STAU1: variants seen among roughly 807,000 people sequenced by gnomAD.
STAU1 encodes staufen double-stranded RNA binding protein 1.
Under a neutral mutation model 62.9 loss-of-function variants are expected in STAU1, and 13 were observed. The observed-to-expected ratio is 0.21, with a 90% CI of 0.13 to 0.33. STAU1 has a LOEUF of 0.33. Ranked by LOEUF, STAU1 falls within the 10% of genes least tolerant of loss-of-function variation. STAU1 has a pLI of 1.00. For missense variants in STAU1, 571 were observed against 712.1 expected (o/e 0.80, Z 2.25); for synonymous variants, 269 against 265.1 (o/e 1.01, Z -0.14).
intron 5 of STAU1, among the ~76,000 whole-genome samples, chr20:49,150,180 T>C (rs1190143771): frequency 6.6e-6 from 1 of 152,212 alleles, no homozygotes; most frequent in Non-Finnish European, 1.5e-5. Flanking sequence ...CTAAGAATTA[T>C]ATTGCTATTT....
chr20:49,170,124 G>A (rs1350844612), intron 2 of STAU1, among the ~76,000 whole-genome samples: 1 of 152,180 alleles, frequency 6.6e-6, no homozygotes, highest in East Asian at 1.9e-4. Flanking sequence ...GTCACAAAAT[G>A]TGTATTCAGC....
intron 7 of STAU1, 109 bp downstream of exon 7, chr20:49,124,265 TG>T: frequency 9.1e-7 from 1 of 1,096,056 alleles, no homozygotes; most frequent in Non-Finnish European, 1.3e-6. Flanking sequence ...GCCTGGGGTG[TG>T]GCACGTTGGT....
chr20:49,213,450 A>G, the STAU1 span, among the ~76,000 whole-genome samples: 3 of 152,070 alleles, frequency 2.0e-5, no homozygotes, highest in African/African-American at 7.2e-5. Context: ...GGCTAGTCTC[A>G]AACTCCTGAC....
chr20:49,219,243 G>A, the STAU1 span: 1 of 1,129,562 alleles, frequency 8.9e-7, no homozygotes, highest in South Asian at 1.6e-5. Context: ...TACCTAAAAA[G>A]CTCCGCCCCT....
intron 1 of STAU1, among the ~76,000 whole-genome samples, chr20:49,180,548 T>A (rs1205687787): frequency 1.3e-5 from 2 of 152,198 alleles, no homozygotes; most frequent in African/African-American, 4.8e-5. Context: ...GGTCTCGAAC[T>A]CCTGACCTCA....
chr20:49,179,692 T>A (rs1040003627), intron 1 of STAU1, among the ~76,000 whole-genome samples: 1 of 152,242 alleles, frequency 6.6e-6, no homozygotes, highest in African/African-American at 2.4e-5. Flanking sequence ...AGAAAATTCA[T>A]GCCTCAGTTA....
intron 3 of STAU1, among the ~76,000 whole-genome samples, chr20:49,157,052 C>T (rs1246945643): frequency 6.6e-6 from 1 of 151,244 alleles, no homozygotes; most frequent in Non-Finnish European, 1.5e-5. Context: ...AATTTCTGTA[C>T]TTTTAGTAGA....
chr20:49,202,252 A>AAGAAAGAAAGAAAGAAAGAG, the STAU1 span, among the ~76,000 whole-genome samples: 4 of 149,460 alleles, frequency 2.7e-5, no homozygotes, highest in African/African-American at 9.8e-5. Context: ...GAAAGAAAGA[A>AAGAAAGAAAGAAAGAAAGAG]AGAAAGAATC....
At chr20:49,146,019 G>T (rs551357928) in intron 5 of STAU1, among the ~76,000 whole-genome samples, 1 of 152,344 alleles carries the variant, frequency 6.6e-6, no homozygotes, top group East Asian at 1.9e-4. Context: ...AGTAATCCCA[G>T]CATTTTGGGA....
Position 49,183,930 on chromosome 20 carries a change from G to A in STAU1, c.-160+4186C>T, listed in dbSNP as rs2093756326. Among the ~76,000 whole-genome samples the A allele has an allele frequency of 2.0e-5, 3 of 149,952 alleles. No individual in the cohort carries two copies. In the South Asian group the frequency reaches 6.3e-4, roughly 32 times the overall value. On this transcript the variant is annotated intron_variant, in intron 1 of 13. Coordinates refer to ENST00000371856, the MANE Select transcript of STAU1 (RefSeq NM_017453.4). ...ACTGAAATAAATGTGAAGTATACATGCCTTTTTTTTTTTTTTGAGAAGTAC... is the reference window on the plus strand; with the variant it reads ...ACTGAAATAAATGTGAAGTATACATACCTTTTTTTTTTTTTTGAGAAGTAC...
rs1293316472 is a variant in STAU1 at position 49,120,123 on chromosome 20, C to G, written c.972G>C (p.Lys324Asn). The G allele has an allele frequency of 6.2e-7, 1 of 1,612,976 alleles. No individual in the cohort carries two copies. The highest frequency in any genetic ancestry group is 1.7e-5 in the Admixed American group (1 of 59,942). ...TTCCTTCTGCAGTGTGGTTTCCAAC[C>G]TTCACCTGCACAAAGAAGTCAAAAC... is the stretch of plus-strand genomic sequence containing the variant. ...PRRREFVMQV[K>N]VGNHTAEGTG... The change falls in exon 9 of 14, where the codon AAG (lysine) becomes AAC (asparagine). Residue 324 changes from lysine (K) to asparagine (N), a missense_variant. Lys to Asn is a moderately conservative substitution (Grantham distance 94). Coordinates refer to ENST00000371856, the MANE Select transcript of STAU1 (RefSeq NM_017453.4).
chr20:49,204,408 A>G, the STAU1 span, among the ~76,000 whole-genome samples: 201 of 151,528 alleles, frequency 1.3e-3, 4 homozygotes, highest in South Asian at 0.041. Flanking sequence ...ACCTATATTT[A>G]CATGCATAGT....
the STAU1 span, among the ~76,000 whole-genome samples, chr20:49,218,512 A>G: frequency 6.6e-6 from 1 of 151,852 alleles, no homozygotes; most frequent in East Asian, 1.9e-4. Context: ...GGCGTGAGCC[A>G]CCACGCCCAG....
intron 5 of STAU1, 50 bp from the exon 6 acceptor site, chr20:49,135,981 C>T: frequency 7.0e-7 from 1 of 1,431,598 alleles, no homozygotes; most frequent in Non-Finnish European, 9.7e-7. Context: ...TAGTCAATGG[C>T]CAGGTGAGTT....
At chr20:49,181,457 T>C (rs557684972) in intron 1 of STAU1, among the ~76,000 whole-genome samples, 1 of 152,280 alleles carries the variant, frequency 6.6e-6, no homozygotes, top group Non-Finnish European at 1.5e-5. Context: ...CAACCAGTTC[T>C]GTAGCTACAT....
chr20:49,123,022 T>C, intron 8 of STAU1, 70 bp downstream of exon 8: 3 of 1,487,818 alleles, frequency 2.0e-6, no homozygotes, highest in Non-Finnish European at 2.7e-6. Context: ...GTCCAGACCT[T>C]GAACCGCCAT....
chr20:49,210,383 C>G, the STAU1 span: 1 of 454,410 alleles, frequency 2.2e-6, no homozygotes, highest in East Asian at 7.0e-5. Context: ...GAATGGAGTT[C>G]TTTCTCATTC....
In STAU1 at chr20:49,115,822, T is replaced by C. The variant is rs2092308999; in HGVS notation, c.1678A>G (p.Ser560Gly). 6.2e-7 allele frequency: 1 copy of C among 1,614,140 alleles called. No homozygotes were observed. The highest frequency in any genetic ancestry group is 8.5e-7 in the Non-Finnish European group (1 of 1,180,000). ...TTTCCTGTTCTTGGCATCTCTGTAC[T>C]TTGTTGGTCCAACTCAGACAGCAAC... ...LKLLSELDQQSTEMPRTGNGP... is the reference protein window; with the variant it reads ...LKLLSELDQQGTEMPRTGNGP... Residue 560 changes from serine (S) to glycine (G), a missense_variant, in exon 13 of 14, where the codon AGT (serine) becomes GGT (glycine). Physicochemically the swap from Ser to Gly is moderately conservative, Grantham distance 56. Around this residue, in one of 3 missense-constraint regions of STAU1, gnomAD observed 156 missense variants for 194.7 expected, o/e 0.80. Transcript: ENST00000371856.
upstream of STAU1, among the ~76,000 whole-genome samples, chr20:49,189,619 C>CAAAAA (rs71186430): frequency 1.3e-4 from 7 of 55,322 alleles, no homozygotes; most frequent in East Asian, 6.1e-4. Flanking sequence ...GACTCTGTCT[C>CAAAAA]AAAAAAAAAA....
Sources: gnomAD v4.1 joint callset for allele counts (sites outside exome capture counted in the v4.1 genomes callset) on GRCh38, gnomAD v4.1.1 for gene constraint, gnomAD v4.1.1 regional missense constraint, MANE v1.5 for transcripts, NCBI Gene and HGNC (gene_info 2026-07-23, HGNC 2026-07-21) for gene names.